Variants in GPRC5A observed in about 807,000 individuals in gnomAD.
GPRC5A encodes retinoic acid-induced protein 3.
A neutral mutation model predicts 22.5 loss-of-function variants in GPRC5A; 19 were observed. The ratio of observed to expected loss-of-function variants is 0.85; its 90% CI spans 0.59 to 1.24. The LOEUF (loss-of-function observed/expected upper bound fraction) is 1.24. GPRC5A is among the 50% of genes most tolerant of loss of function. The probability of loss-of-function intolerance (pLI) is 0.00; values close to 1 mark genes in which losing one functional copy is unlikely to be tolerated. For missense variants in GPRC5A, 471 were observed against 451.1 expected (o/e 1.04, Z -0.40); for synonymous variants, 192 against 184.5 (o/e 1.04, Z -0.33).
chr12:12,897,228 A>T lies in GPRC5A; in HGVS notation c.-8+5564A>T, dbSNP rs886122031. 3.4e-4 allele frequency among the ~76,000 whole-genome samples: 4 copies of T among 11,844 alleles called. No homozygotes were observed. The Admixed American group carries it at 5.2e-3, about 16-fold the overall frequency. 7.8% of individuals were successfully genotyped at this position (11,844 alleles called of 152,430 possible). Reference sequence around the variant, plus strand: ...GGAGTACAGAGCAAGACCCTGTCTTAAAAAAAAAAAAAAAAAAAAGGCCAT... The same window carrying T: ...GGAGTACAGAGCAAGACCCTGTCTTTAAAAAAAAAAAAAAAAAAAGGCCAT... On this transcript the variant is annotated intron_variant, in intron 1 of 3. Coordinates refer to ENST00000014914, the MANE Select transcript of GPRC5A (RefSeq NM_003979.4).
At chr12:12,893,005 G>A (rs1011501855) in intron 1 of GPRC5A, among the ~76,000 whole-genome samples, 5 of 152,202 alleles carry the variant, frequency 3.3e-5, no homozygotes, top group Non-Finnish European at 7.4e-5. Context: ...GAGGCGCTAC[G>A]TGGGAAACAA....
chr12:12,915,846 T>A lies in GPRC5A; in HGVS notation c.*3307T>A, dbSNP rs766189869. 3 of 524,750 alleles carry A rather than the reference T, an allele frequency of 5.7e-6. No individual in the cohort carries two copies. The African/African-American group carries it at 5.8e-5, about 10-fold the overall frequency. 32.5% of individuals were successfully genotyped at this position (524,750 alleles called of 1,614,324 possible). A position where few individuals can be genotyped will look rare whatever the true frequency, so the allele number is the denominator to read the frequency against. The stretch of plus-strand genomic sequence containing the variant: ...GTTTCCCTTCTAAGAAACGCAGTGG[T>A]CTCTGAAGCCTGCAGGGGCAGGCCA... On this transcript the variant is annotated 3_prime_UTR_variant, in exon 4 of 4. Coordinates refer to ENST00000014914, the MANE Select transcript of GPRC5A (RefSeq NM_003979.4).
rs1864048734 is a variant in GPRC5A at position 12,914,954 on chromosome 12, A to C, written c.*2415A>C. ...TCTTTTCTTTCCTTCTCTGGTCTTC[A>C]TACTACCAACCAAGCAAGGGAGGAG... On this transcript the variant is annotated 3_prime_UTR_variant, in exon 4 of 4. Coordinates refer to ENST00000014914, the MANE Select transcript of GPRC5A (RefSeq NM_003979.4). The C allele has an allele frequency of 6.6e-6, 1 of 151,132 alleles. No individual in the cohort carries two copies. The highest frequency in any genetic ancestry group is 1.5e-5 in the Non-Finnish European group (1 of 68,010). 9.4% of individuals were successfully genotyped at this position (151,132 alleles called of 1,614,324 possible).
rs547735763 is a variant in GPRC5A at position 12,907,333 on chromosome 12, G to A, written c.-7-910G>A. Among the ~76,000 whole-genome samples, 12 of 146,614 alleles carry A rather than the reference G, an allele frequency of 8.2e-5. No individual in the cohort carries two copies. The South Asian group carries it at 1.7e-3, about 21-fold the overall frequency. On this transcript the variant is annotated intron_variant, in intron 1 of 3. Coordinates refer to ENST00000014914, the MANE Select transcript of GPRC5A (RefSeq NM_003979.4). The stretch of plus-strand genomic sequence containing the variant: ...GGAGAATCACTTGAGCCCGGGAGGC[G>A]GAGCTTGCAGTGAGCCGAGATCGTG...
At position 12,895,778 on chromosome 12, in the gene GPRC5A, C is replaced by A. The variant is rs181484956; in HGVS notation, c.-8+4114C>A. The stretch of plus-strand genomic sequence containing the variant: ...AGATCACGAGGTCAGGAGTTCAAGA[C>A]CATCCTGACTAACACAGTGAAACTC... On this transcript the variant is annotated intron_variant, in intron 1 of 3. Transcript: ENST00000014914. 5.2e-4 allele frequency among the ~76,000 whole-genome samples: 75 copies of A among 143,596 alleles called. 1 individual carries two copies. The Admixed American group carries it at 5.4e-3, about 10-fold the overall frequency. 94.2% of individuals were successfully genotyped at this position (143,596 alleles called of 152,430 possible). A position where few individuals can be genotyped will look rare whatever the true frequency, so the allele number is the denominator to read the frequency against.
chr12:12,903,323 C>G (rs1392606040), intron 1 of GPRC5A, among the ~76,000 whole-genome samples: 2 of 152,116 alleles, frequency 1.3e-5, no homozygotes, highest in East Asian at 3.9e-4. Flanking sequence ...TTCTATCTCC[C>G]AGGCAGAATT....
At chr12:12,901,717 G>C (rs929362842) in intron 1 of GPRC5A, among the ~76,000 whole-genome samples, 1 of 147,816 alleles carries the variant, frequency 6.8e-6, no homozygotes, top group South Asian at 2.2e-4. Flanking sequence ...AAAGCTGAGA[G>C]TGTCTGAGAA....
Position 12,909,182 on chromosome 12 carries a change from A to G in GPRC5A, c.922+11A>G. 1 of 1,540,852 alleles carries G rather than the reference A, an allele frequency of 6.5e-7. No homozygotes were observed. The highest frequency in any genetic ancestry group is 8.8e-7 in the Non-Finnish European group (1 of 1,140,420). On this transcript the variant is annotated intron_variant, in intron 2 of 3. Coordinates refer to ENST00000014914, the MANE Select transcript of GPRC5A (RefSeq NM_003979.4). ...AGGAAATCACTCAAGGTACAGATGC[A>G]GCCTGGCTAGGCAGAGAATCCCTTG...
chr12:12,895,630 T>A (rs1230607838), intron 1 of GPRC5A, among the ~76,000 whole-genome samples: 1 of 151,704 alleles, frequency 6.6e-6, no homozygotes, highest in Non-Finnish European at 1.5e-5. Flanking sequence ...ATATTACCCT[T>A]ATGTATCAGA....
chr12:12,893,682 T>C (rs566513868), intron 1 of GPRC5A, among the ~76,000 whole-genome samples: 1 of 152,234 alleles, frequency 6.6e-6, no homozygotes, highest in Non-Finnish European at 1.5e-5. Context: ...GATGGCAAAC[T>C]ATGGTCCATG....
rs750299621 is a variant in GPRC5A, at chr12:12,915,784, G to A, written c.*3245G>A. ...GGATACCGTGGCCTCTGAAAGTGCT[G>A]GGATTACAGGCATGAGCCACCGCGC... On this transcript the variant is annotated 3_prime_UTR_variant, in exon 4 of 4. Coordinates refer to ENST00000014914, the MANE Select transcript of GPRC5A (RefSeq NM_003979.4). 74 of 477,082 alleles carry A rather than the reference G, an allele frequency of 1.6e-4. No individual in the cohort carries two copies. The highest frequency in any genetic ancestry group is 3.0e-4 in the Non-Finnish European group (69 of 227,842). 29.6% of individuals were successfully genotyped at this position (477,082 alleles called of 1,614,324 possible).
intron 1 of GPRC5A, among the ~76,000 whole-genome samples, chr12:12,895,435 T>G (rs748892608): frequency 2.0e-5 from 3 of 151,982 alleles, no homozygotes; most frequent in Non-Finnish European, 4.4e-5. Flanking sequence ...CTTGTTATTG[T>G]CATCTAATTT....
At chr12:12,892,624 C>T (rs1397345977) in intron 1 of GPRC5A, among the ~76,000 whole-genome samples, 2 of 152,184 alleles carry the variant, frequency 1.3e-5, no homozygotes, top group Non-Finnish European at 2.9e-5. Context: ...GCCTCAGCCT[C>T]CCAAAGTGCT....
At position 12,916,616 on chromosome 12, in the gene GPRC5A, T is replaced by C. The variant is rs1864066800; in HGVS notation, c.*4077T>C. 6.6e-6 allele frequency: 1 copy of C among 152,276 alleles called. No individual in the cohort carries two copies. The highest frequency in any genetic ancestry group is 2.4e-5 in the African/African-American group (1 of 41,476). The allele number at this position is 152,276 out of a possible 1,614,324, so 9.4% of individuals were successfully genotyped here. A position where few individuals can be genotyped will look rare whatever the true frequency, so the allele number is the denominator to read the frequency against. ...CTTTAAAGAATTGCTCTCCATCTCC[T>C]TTGGCAAAGTTCCTTTGCCCTTTGT... is the stretch of plus-strand genomic sequence containing the variant. On this transcript the variant is annotated 3_prime_UTR_variant, in exon 4 of 4. Transcript: ENST00000014914.
chr12:12,904,127 C>T (rs1863916568), intron 1 of GPRC5A, among the ~76,000 whole-genome samples: 2 of 152,024 alleles, frequency 1.3e-5, no homozygotes, highest in Admixed American at 6.6e-5. Flanking sequence ...GTGCACAGGG[C>T]CTGAGTTCCT....
At position 12,896,268 on chromosome 12, in the gene GPRC5A, C is replaced by T. The variant is rs1409882829; in HGVS notation, c.-8+4604C>T. Among the ~76,000 whole-genome samples, 7 of 152,050 alleles carry T rather than the reference C, an allele frequency of 4.6e-5. No individual in the cohort carries two copies. The East Asian group carries it at 7.7e-4, about 17-fold the overall frequency. ...AATTGGGATGAACACCGTGGTTATA[C>T]TTGTTTTGATCTGCCTGTGGTGCTA... On this transcript the variant is annotated intron_variant, in intron 1 of 3. Transcript: ENST00000014914.
At chr12:12,895,805 G>A (rs1192095539) in intron 1 of GPRC5A, among the ~76,000 whole-genome samples, 1 of 114,850 alleles carries the variant, frequency 8.7e-6, no homozygotes, top group Non-Finnish European at 1.7e-5. Flanking sequence ...GTGAAACTCT[G>A]TCTCTACTAA....
rs775481909 is a variant in GPRC5A, at chr12:12,912,199, T to G, written c.981+57T>G. On this transcript the variant is annotated intron_variant, in intron 3 of 3. Transcript: ENST00000014914. The stretch of plus-strand genomic sequence containing the variant: ...GGCATTAGCACCTCAGGAACACTGA[T>G]CCTTTGGAAACAGACGATGTTACCT... The G allele has an allele frequency of 3.2e-6, 4 of 1,235,734 alleles. No individual in the cohort carries two copies. The South Asian group carries it at 4.8e-5, about 15-fold the overall frequency. 76.5% of individuals were successfully genotyped at this position (1,235,734 alleles called of 1,614,324 possible).
intron 1 of GPRC5A, among the ~76,000 whole-genome samples, chr12:12,899,601 T>C (rs1262306582): frequency 6.6e-6 from 1 of 152,182 alleles, no homozygotes; most frequent in African/African-American, 2.4e-5. Flanking sequence ...AGGTAATGGA[T>C]GTAAAAGCAT....
Sources: gnomAD v4.1 joint callset for allele counts (sites outside exome capture counted in the v4.1 genomes callset) on GRCh38, gnomAD v4.1.1 for gene constraint, MANE v1.5 for transcripts, NCBI Gene and HGNC (gene_info 2026-07-23, HGNC 2026-07-21) for gene names.